PDGFD: variants seen among roughly 807,000 people sequenced by gnomAD.
The protein encoded by PDGFD is platelet-derived growth factor D.
A neutral mutation model predicts 44.7 loss-of-function variants in PDGFD; 30 were observed. The observed-to-expected ratio is 0.67, with a 90% CI of 0.50 to 0.91. The LOEUF is 0.91. Ranked by LOEUF, PDGFD falls within the 40% of genes least tolerant of loss-of-function variation. PDGFD has a pLI of 0.00. For missense variants in PDGFD, 445 were observed against 457.8 expected (o/e 0.97, Z 0.25); for synonymous variants, 173 against 168.4 (o/e 1.03, Z -0.21).
intron 1 of PDGFD, among the ~76,000 whole-genome samples, chr11:104,065,868 T>C (rs1012435396): frequency 5.9e-5 from 9 of 152,154 alleles, no homozygotes; most frequent in African/African-American, 1.9e-4. Flanking sequence ...TTCTAAGGGA[T>C]CTCTAGCATT....
intron 1 of PDGFD, among the ~76,000 whole-genome samples, chr11:104,026,210 C>T (rs1272865136): frequency 6.6e-6 from 1 of 152,190 alleles, no homozygotes; most frequent in South Asian, 2.1e-4. Context: ...ACTATGCTTT[C>T]CTTGCCTTCC....
At chr11:104,045,861 T>C (rs1194018647) in intron 1 of PDGFD, among the ~76,000 whole-genome samples, 1 of 147,014 alleles carries the variant, frequency 6.8e-6, no homozygotes, top group East Asian at 2.0e-4. Flanking sequence ...AGAAATGTGC[T>C]TACGAACAGG....
At chr11:103,973,358 G>A (rs1248175687) in intron 3 of PDGFD, among the ~76,000 whole-genome samples, 24 of 150,520 alleles carry the variant, frequency 1.6e-4, no homozygotes, top group African/African-American at 1.7e-4. Flanking sequence ...CGTGTTAGCC[G>A]GGATGGTCTC....
Position 104,105,626 on chromosome 11 carries a change from C to T in PDGFD, c.124+58178G>A, listed in dbSNP as rs532558926. 9.9e-5 allele frequency among the ~76,000 whole-genome samples: 15 copies of T among 151,744 alleles called. No individual in the cohort carries two copies. The South Asian group carries it at 2.5e-3, about 25-fold the overall frequency. On this transcript the variant is annotated intron_variant, in intron 1 of 6. Coordinates refer to ENST00000393158, the MANE Select transcript of PDGFD (RefSeq NM_025208.5). The stretch of plus-strand genomic sequence containing the variant: ...ATTCAGCTTTACGTGACATTTTTCT[C>T]GGTGTGGAGTTAGTAATATTCTGTA...
At chr11:103,918,614 TATATTAAGCA>T (rs1445177432) in intron 6 of PDGFD, among the ~76,000 whole-genome samples, 3 of 152,154 alleles carry the variant, frequency 2.0e-5, no homozygotes, top group African/African-American at 7.2e-5. Context: ...CTCTGTGTTT[TATATTAAGCA>T]ACGTGAGCAC....
At chr11:104,131,843 T>C (rs999643638) in intron 1 of PDGFD, among the ~76,000 whole-genome samples, 1 of 147,174 alleles carries the variant, frequency 6.8e-6, no homozygotes, top group African/African-American at 2.5e-5. Flanking sequence ...TGCTTGGTGA[T>C]CTATCTACCT....
intron 5 of PDGFD, among the ~76,000 whole-genome samples, chr11:103,928,688 A>T (rs1295772348): frequency 6.6e-6 from 1 of 152,210 alleles, no homozygotes; most frequent in Non-Finnish European, 1.5e-5. Context: ...CACTGTGCAT[A>T]ATTTATTGCT....
At chr11:103,970,006 G>A (rs2134343481) in intron 3 of PDGFD, among the ~76,000 whole-genome samples, 1 of 152,108 alleles carries the variant, frequency 6.6e-6, no homozygotes, top group South Asian at 2.1e-4. Context: ...AGATGTCTGT[G>A]CTAATTATAC....
intron 1 of PDGFD, among the ~76,000 whole-genome samples, chr11:104,117,970 T>C (rs1861666036): frequency 6.6e-6 from 1 of 151,928 alleles, no homozygotes; most frequent in Non-Finnish European, 1.5e-5. Context: ...AAGTTCCACT[T>C]GTTCATTGCT....
At chr11:104,051,897 T>C (rs1193826128) in intron 1 of PDGFD, among the ~76,000 whole-genome samples, 1 of 152,200 alleles carries the variant, frequency 6.6e-6, no homozygotes, top group East Asian at 1.9e-4. Flanking sequence ...CATTTAAAAG[T>C]GAATGATTCA....
intron 1 of PDGFD, among the ~76,000 whole-genome samples, chr11:104,155,724 G>C (rs894213776): frequency 1.3e-5 from 2 of 152,242 alleles, no homozygotes; most frequent in Middle Eastern, 3.4e-3. Context: ...AGTTCATTTG[G>C]TTGCATTTTC....
Position 104,014,802 on chromosome 11 carries a change from T to C in PDGFD, c.125-14547A>G, listed in dbSNP as rs561427453. ...TCTGTCTGGCTTCCCTGGGAGCCCA[T>C]ATATTAATAATAATCAAATAGTCTC... On this transcript the variant is annotated intron_variant, in intron 1 of 6. Coordinates refer to ENST00000393158, the MANE Select transcript of PDGFD (RefSeq NM_025208.5). Among the ~76,000 whole-genome samples the C allele has an allele frequency of 3.3e-5, 5 of 152,294 alleles. No homozygotes were observed. In the East Asian group the frequency reaches 5.8e-4, roughly 18 times the overall value.
chr11:103,968,654 G>A (rs1859055115), intron 3 of PDGFD, among the ~76,000 whole-genome samples: 1 of 152,100 alleles, frequency 6.6e-6, no homozygotes, highest in Non-Finnish European at 1.5e-5. Context: ...GGATTGCTAT[G>A]ACAGCCTCCT....
chr11:103,947,136 G>A (rs1425567830), intron 4 of PDGFD, among the ~76,000 whole-genome samples: 1 of 152,216 alleles, frequency 6.6e-6, no homozygotes, highest in East Asian at 1.9e-4. Flanking sequence ...AGAAAAACTG[G>A]AGCATGAACC....
At chr11:103,935,655 G>A (rs1005186579) in intron 5 of PDGFD, among the ~76,000 whole-genome samples, 3 of 152,202 alleles carry the variant, frequency 2.0e-5, no homozygotes, top group African/African-American at 7.2e-5. Context: ...CCAGATTACT[G>A]ATGGTTATCT....
intron 1 of PDGFD, among the ~76,000 whole-genome samples, chr11:104,084,543 G>A (rs1406605433): frequency 6.6e-6 from 1 of 151,200 alleles, no homozygotes; most frequent in Non-Finnish European, 1.5e-5. Context: ...TTTATGTGGG[G>A]CAACATTTCT....
At chr11:104,073,818 T>C (rs528759576) in intron 1 of PDGFD, among the ~76,000 whole-genome samples, 1 of 152,354 alleles carries the variant, frequency 6.6e-6, no homozygotes, top group South Asian at 2.1e-4. Context: ...GAGGACTGCA[T>C]ATTTTTCTGT....
At chr11:104,034,072 C>T (rs868019419) in intron 1 of PDGFD, among the ~76,000 whole-genome samples, 2 of 152,204 alleles carry the variant, frequency 1.3e-5, no homozygotes, top group Non-Finnish European at 2.9e-5. Flanking sequence ...GCGCACCCTG[C>T]ATGGCTGACT....
At chr11:104,111,907 A>G (rs1302882184) in intron 1 of PDGFD, among the ~76,000 whole-genome samples, 1 of 152,182 alleles carries the variant, frequency 6.6e-6, no homozygotes, top group Admixed American at 6.6e-5. Context: ...GTAGCTTGTA[A>G]CCTGTATTGC....
Sources: gnomAD v4.1 joint callset for allele counts (sites outside exome capture counted in the v4.1 genomes callset) on GRCh38, gnomAD v4.1.1 for gene constraint, MANE v1.5 for transcripts, NCBI Gene and HGNC (gene_info 2026-07-23, HGNC 2026-07-21) for gene names.